DRC2: variants seen among roughly 807,000 people sequenced by gnomAD.
DRC2 encodes coiled-coil domain containing 65.
chr12:48,906,364 C>T, the DRC2 span, among the ~76,000 whole-genome samples: 1 of 149,132 alleles, frequency 6.7e-6, no homozygotes, highest in African/African-American at 2.5e-5. Flanking sequence ...AGTGCAATGG[C>T]GCAGTCTTGG....
At chr12:48,910,856 G>T in the DRC2 span, among the ~76,000 whole-genome samples, 1 of 152,054 alleles carries the variant, frequency 6.6e-6, no homozygotes, top group South Asian at 2.1e-4. Context: ...ATCGGCCTGG[G>T]CAACATGGTA....
chr12:48,916,641 A>AGAGGGG, the DRC2 span, among the ~76,000 whole-genome samples: 2 of 151,914 alleles, frequency 1.3e-5, no homozygotes, highest in Admixed American at 1.3e-4. Context: ...GGGGAGAGGG[A>AGAGGGG]GAGGGAGAGG....
chr12:48,912,504 G>A, the DRC2 span, among the ~76,000 whole-genome samples: 1 of 148,762 alleles, frequency 6.7e-6, no homozygotes, highest in African/African-American at 2.5e-5. Flanking sequence ...TTAGGCTCCT[G>A]GAGGGACCAT....
the DRC2 span, chr12:48,905,010 G>C: frequency 1.1e-5 from 18 of 1,613,902 alleles, no homozygotes; most frequent in East Asian, 2.2e-5. Context: ...ACACAGTGGA[G>C]AACTGTCCTT....
the DRC2 span, among the ~76,000 whole-genome samples, chr12:48,916,363 C>T: frequency 6.6e-6 from 1 of 152,148 alleles, no homozygotes; most frequent in East Asian, 1.9e-4. Context: ...CTCGGGAGGC[C>T]GAGGCTGGCG....
At chr12:48,918,862 A>C in the DRC2 span, 1 of 1,614,142 alleles carries the variant, frequency 6.2e-7, no homozygotes, top group South Asian at 1.1e-5. Context: ...CACCCTGGAA[A>C]GTAATGCCAC....
the DRC2 span, chr12:48,918,879 G>T: frequency 1.2e-6 from 2 of 1,613,638 alleles, no homozygotes; most frequent in South Asian, 2.2e-5. Flanking sequence ...CCACCCTCAA[G>T]GCCCTGAGAA....
chr12:48,915,942 C>CTGCAATCTCGGCACTTCGGGAGGCCAA, the DRC2 span, among the ~76,000 whole-genome samples: 1 of 146,920 alleles, frequency 6.8e-6, no homozygotes. Context: ...CGGGCAGAGG[C>CTGCAATCTCGGCACTTCGGGAGGCCAA]GCTCCTCACA....
chr12:48,905,223 C>A, the DRC2 span: 1 of 980,458 alleles, frequency 1.0e-6, no homozygotes, highest in Non-Finnish European at 1.5e-6. Context: ...GTGAGAAAGC[C>A]AGGCTATTGG....
the DRC2 span, chr12:48,914,413 A>C: frequency 1.9e-6 from 3 of 1,608,536 alleles, no homozygotes; most frequent in Non-Finnish European, 2.5e-6. Context: ...GTCTTTAGCT[A>C]AAGACCTGTC....
At chr12:48,911,269 T>TA in the DRC2 span, among the ~76,000 whole-genome samples, 1 of 152,070 alleles carries the variant, frequency 6.6e-6, no homozygotes, top group South Asian at 2.1e-4. Flanking sequence ...ATTTTAGAAA[T>TA]AGAGATGGGG....
the DRC2 span, chr12:48,904,887 CTTGT>C: frequency 7.1e-7 from 1 of 1,399,600 alleles, no homozygotes; most frequent in Non-Finnish European, 9.8e-7. Flanking sequence ...TAAGAGTGAT[CTTGT>C]TTGTTGTACT....
chr12:48,919,641 CT>C, the DRC2 span, among the ~76,000 whole-genome samples: 1 of 152,062 alleles, frequency 6.6e-6, no homozygotes, highest in Non-Finnish European at 1.5e-5. Flanking sequence ...CCTCAGCCTC[CT>C]GAGTAGCTGG....
At chr12:48,905,206 A>C in the DRC2 span, 1 of 1,142,606 alleles carries the variant, frequency 8.8e-7, no homozygotes, top group Non-Finnish European at 1.2e-6. Flanking sequence ...CTCACAAGAC[A>C]CAGGCTGTGA....
chr12:48,916,973 G>C, the DRC2 span: 51 of 1,613,680 alleles, frequency 3.2e-5, no homozygotes, highest in Non-Finnish European at 3.7e-5. Flanking sequence ...CCTACAGGAA[G>C]ACAATTATTG....
At chr12:48,921,247 A>T in the DRC2 span, 2 of 1,614,222 alleles carry the variant, frequency 1.2e-6, no homozygotes, top group Admixed American at 3.3e-5. Context: ...AGCCTCCAAC[A>T]TAGACGAGCC....
chr12:48,918,440 G>T, the DRC2 span: 1 of 1,614,124 alleles, frequency 6.2e-7, no homozygotes, highest in Non-Finnish European at 8.5e-7. Flanking sequence ...CAAAGAGATT[G>T]AAGTACAGAT....
the DRC2 span, among the ~76,000 whole-genome samples, chr12:48,908,610 T>TTA: frequency 1.3e-5 from 2 of 148,170 alleles, no homozygotes; most frequent in Non-Finnish European, 3.0e-5. Context: ...TATTATTATT[T>TTA]ATTTATTTAT....
At chr12:48,914,580 G>C in the DRC2 span, 1 of 1,612,736 alleles carries the variant, frequency 6.2e-7, no homozygotes, top group Non-Finnish European at 8.5e-7. Flanking sequence ...AAAGGTATGG[G>C]GGCCTAAGAG....
Sources: gnomAD v4.1 joint callset for allele counts (sites outside exome capture counted in the v4.1 genomes callset) on GRCh38, gnomAD v4.1.1 for gene constraint, MANE v1.5 for transcripts, NCBI Gene and HGNC (gene_info 2026-07-23, HGNC 2026-07-21) for gene names.